RAD51B: variants seen among roughly 807,000 people sequenced by gnomAD.
RAD51B encodes RAD51 paralog B.
RAD51B carries 38 observed loss-of-function variants against 42.2 expected under a neutral mutation model. The observed-to-expected ratio is 0.90, with a 90% CI of 0.70 to 1.18. RAD51B has a LOEUF of 1.18. RAD51B is among the 50% of genes most tolerant of loss of function. RAD51B has a pLI of 0.00. For synonymous variants in RAD51B, 154 were observed against 145.2 expected, an observed-to-expected ratio of 1.06 and a Z score of -0.43; for missense variants, 373 against 400.7, an observed-to-expected ratio of 0.93 and a Z score of 0.59.
At chr14:68,008,727 C>T (rs968698905) in intron 7 of RAD51B, among the ~76,000 whole-genome samples, 2 of 151,912 alleles carry the variant, frequency 1.3e-5, no homozygotes, top group Non-Finnish European at 2.9e-5. Context: ...TGATAGGAAG[C>T]AGTGTTGAAA....
chr14:68,534,613 G>A (rs1034707701), intron 10 of RAD51B, among the ~76,000 whole-genome samples: 4 of 152,246 alleles, frequency 2.6e-5, no homozygotes, highest in Admixed American at 6.5e-5. Flanking sequence ...TGGTGAAGGC[G>A]CGAAGATGAA....
rs5809367 is a variant in RAD51B, at chr14:67,863,150, ATTTTTTTTTTTTTTT to A, written c.316-1843_316-1829del. On this transcript the variant is annotated intron_variant, in intron 4 of 10. Transcript: ENST00000471583. Reference sequence around the variant, plus strand: ...CCAGCATATAGTTTTAAATATGGGAATTTTTTTTTTTTTTTTTTTTTTTTGAGACATGGTCTTGCT... The same window carrying A: ...CCAGCATATAGTTTTAAATATGGGAATTTTTTTTTGAGACATGGTCTTGCT... Among the ~76,000 whole-genome samples, 12 of 74,012 alleles carry A rather than the reference ATTTTTTTTTTTTTTT, an allele frequency of 1.6e-4. No individual in the cohort carries two copies. In the East Asian group the frequency reaches 4.4e-3, roughly 27 times the overall value. 48.6% of individuals were successfully genotyped at this position (74,012 alleles called of 152,430 possible).
intron 10 of RAD51B, among the ~76,000 whole-genome samples, chr14:68,506,246 A>G (rs1885310294): frequency 6.6e-6 from 1 of 152,186 alleles, no homozygotes; most frequent in Admixed American, 6.5e-5. Context: ...ACATAAAGAA[A>G]TCTCTGAACA....
intron 7 of RAD51B, among the ~76,000 whole-genome samples, chr14:68,073,760 T>C (rs748148416): frequency 1.3e-5 from 2 of 152,226 alleles, no homozygotes; most frequent in Non-Finnish European, 2.9e-5. Flanking sequence ...TTTGCTTGCC[T>C]GAAAAGGGTC....
intron 10 of RAD51B, among the ~76,000 whole-genome samples, chr14:68,542,507 T>C (rs189770872): frequency 3.3e-5 from 5 of 152,290 alleles, no homozygotes; most frequent in African/African-American, 7.2e-5. Context: ...ATTGTAGTGA[T>C]TCATATGTCA....
rs1320890785 is a variant in RAD51B, at chr14:68,546,043, G to C, written c.1037-48442G>C. On this transcript the variant is annotated intron_variant, in intron 10 of 10. Transcript: ENST00000487270. ...CCTAACTGGGATGTGAGTTCCACGA[G>C]GACAGGGACCCTACTGTATCCACCA... is the stretch of plus-strand genomic sequence containing the variant. 3.9e-5 allele frequency among the ~76,000 whole-genome samples: 6 copies of C among 152,190 alleles called. No homozygotes were observed. The South Asian group carries it at 1.2e-3, about 32-fold the overall frequency.
At chr14:68,018,589 A>T (rs1055368788) in intron 7 of RAD51B, among the ~76,000 whole-genome samples, 6 of 152,174 alleles carry the variant, frequency 3.9e-5, no homozygotes, top group African/African-American at 1.2e-4. Flanking sequence ...TATTGTAGGA[A>T]TTCCCGGAAC....
chr14:68,461,945 T>C lies in RAD51B; in HGVS notation c.958-6227T>C, dbSNP rs145292645. Among the ~76,000 whole-genome samples, 613 of 152,100 alleles carry C rather than the reference T, an allele frequency of 4.0e-3. 4 individuals are homozygous for C. The highest frequency in any genetic ancestry group is 0.014 in the African/African-American group (584 of 41,484). On this transcript the variant is annotated intron_variant, in intron 9 of 10. Coordinates refer to ENST00000471583, the MANE Select transcript of RAD51B (RefSeq NM_133510.4). ...GGAGAGAAACCTCCACACACCAGCA[T>C]AGGGATGAAGTGAAGAACAGTGAGG...
At chr14:68,138,179 G>C (rs1424989430) in intron 7 of RAD51B, among the ~76,000 whole-genome samples, 1 of 152,076 alleles carries the variant, frequency 6.6e-6, no homozygotes, top group Non-Finnish European at 1.5e-5. Context: ...GTTATTCCCA[G>C]AGTTTTCCAC....
chr14:67,825,677 C>A, intron 3 of RAD51B, 100 bp downstream of exon 3: 1 of 800,568 alleles, frequency 1.2e-6, no homozygotes, highest in Non-Finnish European at 1.8e-6. Context: ...GAGATGAGTA[C>A]CTCAAAAATA....
intron 7 of RAD51B, among the ~76,000 whole-genome samples, chr14:68,027,566 T>G (rs2075974509): frequency 6.6e-6 from 1 of 152,228 alleles, no homozygotes; most frequent in African/African-American, 2.4e-5. Context: ...TCTGACTGAG[T>G]TGATTCAAAG....
At chr14:68,614,259 G>A (rs573408377), downstream of RAD51B, among the ~76,000 whole-genome samples, 57 of 152,312 alleles carry the variant, frequency 3.7e-4, no homozygotes, top group Middle Eastern at 3.4e-3. Context: ...GTTGGTCTGA[G>A]TTGAACCATA....
intron 10 of RAD51B, among the ~76,000 whole-genome samples, chr14:68,593,023 G>T (rs1401564991): frequency 6.6e-6 from 1 of 152,228 alleles, no homozygotes; most frequent in African/African-American, 2.4e-5. Flanking sequence ...GGTCTCTAGA[G>T]AAGGAACCTA....
intron 3 of RAD51B, among the ~76,000 whole-genome samples, chr14:67,828,495 T>C (rs1051677832): frequency 2.6e-5 from 4 of 152,216 alleles, no homozygotes; most frequent in African/African-American, 9.6e-5. Context: ...TAGATCCCAC[T>C]TGTCAATTTT....
intron 7 of RAD51B, among the ~76,000 whole-genome samples, chr14:68,104,928 C>A (rs1159112058): frequency 6.6e-6 from 1 of 152,082 alleles, no homozygotes; most frequent in Non-Finnish European, 1.5e-5. Flanking sequence ...TGGAGAAATT[C>A]ATAAAGTTTA....
At chr14:67,888,684 T>C (rs531471965) in intron 7 of RAD51B, among the ~76,000 whole-genome samples, 2 of 152,312 alleles carry the variant, frequency 1.3e-5, no homozygotes, top group African/African-American at 4.8e-5. Flanking sequence ...TGATTCCCTA[T>C]AGTTAAGCAG....
chr14:68,322,112 A>G (rs1283042948), intron 8 of RAD51B, among the ~76,000 whole-genome samples: 1 of 152,216 alleles, frequency 6.6e-6, no homozygotes, highest in African/African-American at 2.4e-5. Flanking sequence ...AACAGTGCTT[A>G]GCATGTAGTA....
intron 7 of RAD51B, among the ~76,000 whole-genome samples, chr14:68,153,629 A>G (rs1311734449): frequency 2.0e-5 from 3 of 152,118 alleles, no homozygotes; most frequent in African/African-American, 7.2e-5. Flanking sequence ...GGCCATATAT[A>G]TGTCTTTTTT....
intron 7 of RAD51B, among the ~76,000 whole-genome samples, chr14:67,919,938 G>A (rs1010156182): frequency 3.3e-5 from 5 of 152,096 alleles, no homozygotes; most frequent in African/African-American, 7.2e-5. Context: ...AATAGTTTCC[G>A]TCATATTCTA....
Sources: allele counts gnomAD v4.1 joint callset (sites outside exome capture counted in the v4.1 genomes callset), GRCh38; gene constraint gnomAD v4.1.1; transcripts MANE v1.5; gene names NCBI Gene and HGNC (gene_info 2026-07-23, HGNC 2026-07-21).